ASH2L: variants seen among roughly 807,000 people sequenced by gnomAD.
ASH2L encodes the protein ASH2 like, histone lysine methyltransferase complex subunit, also known as set1/Ash2 histone methyltransferase complex subunit ASH2.
In ASH2L, 30 loss-of-function variants were observed where a neutral mutation model predicts 81.1. That is an observed-to-expected ratio of 0.37 (90% CI 0.28 to 0.50). The LOEUF (loss-of-function observed/expected upper bound fraction) is 0.50, where lower values mean the gene tolerates loss of function less well. Ranked by LOEUF, ASH2L falls within the 20% of genes least tolerant of loss-of-function variation. The pLI, the probability that ASH2L is intolerant of heterozygous loss-of-function variation, is 0.95. For missense variants in ASH2L, 559 were observed against 792.1 expected, an observed-to-expected ratio of 0.71 and a Z score of 3.53; for synonymous variants, 273 against 279.9, an observed-to-expected ratio of 0.98 and a Z score of 0.24.
chr8:38,114,639 G>A (rs1384253395), intron 6 of ASH2L: 2 of 420,356 alleles, frequency 4.8e-6, no homozygotes, highest in South Asian at 4.5e-5. Flanking sequence ...GAGCACCTGG[G>A]GAGAAGTCAA....
chr8:38,107,848 G>C (rs1255727655), intron 3 of ASH2L, among the ~76,000 whole-genome samples: 1 of 151,264 alleles, frequency 6.6e-6, no homozygotes, highest in Non-Finnish European at 1.5e-5. Context: ...CCTTGGGTGA[G>C]ATTGTGAAGA....
chr8:38,105,863 GCCTCTGCGCCGCTTGGCCCGTCC>G (rs1810401256), intron 1 of ASH2L, 125 bp downstream of exon 1: 1 of 1,435,140 alleles, frequency 7.0e-7, no homozygotes, highest in Non-Finnish European at 9.1e-7. Context: ...GGCTCGCCCT[GCCTCTGCGCCGCTTGGCCCGTCC>G]CCTCTCAAGC....
rs367766297 is a variant in ASH2L, at chr8:38,115,802, A to G, written c.777+802A>G. Among the ~76,000 whole-genome samples, 8 of 152,204 alleles carry G rather than the reference A, an allele frequency of 5.3e-5. No homozygotes were observed. In the East Asian group the frequency reaches 1.3e-3, roughly 26 times the overall value. ...CTGCCTCTACCCAAGTTGATTGATTAATTGCCATTTATCGCCATTCTGAAA... is the reference window on the plus strand; with the variant it reads ...CTGCCTCTACCCAAGTTGATTGATTGATTGCCATTTATCGCCATTCTGAAA... On this transcript the variant is annotated intron_variant, in intron 7 of 15. Transcript: ENST00000343823.
At chr8:38,118,525 C>T (rs1156991828) in intron 8 of ASH2L, among the ~76,000 whole-genome samples, 1 of 152,108 alleles carries the variant, frequency 6.6e-6, no homozygotes, top group Non-Finnish European at 1.5e-5. Context: ...GCTTTTAGTT[C>T]CACAAGCCAG....
At chr8:38,115,333 TA>T (rs1810851198) in intron 7 of ASH2L, among the ~76,000 whole-genome samples, 1 of 152,254 alleles carries the variant, frequency 6.6e-6, no homozygotes, top group Admixed American at 6.5e-5. Flanking sequence ...ATTTTGCTCT[TA>T]AAAACTTTCT....
At chr8:38,132,797 A>G (rs1030938833) in intron 12 of ASH2L, among the ~76,000 whole-genome samples, 5 of 120,872 alleles carry the variant, frequency 4.1e-5, no homozygotes, top group Non-Finnish European at 3.6e-5. Context: ...AGACTGTCTC[A>G]AAAAAAAAAA....
At chr8:38,133,639 G>A (rs906381249) in intron 13 of ASH2L, 93 bp downstream of exon 13, 3 of 945,514 alleles carry the variant, frequency 3.2e-6, no homozygotes, top group African/African-American at 3.3e-5. Flanking sequence ...GAGGCCCAAA[G>A]GGGAATGAAG....
intron 6 of ASH2L, 88 bp downstream of exon 6, chr8:38,114,375 A>G (rs1161340497): frequency 3.6e-6 from 3 of 837,316 alleles, no homozygotes; most frequent in Non-Finnish European, 5.6e-6. Flanking sequence ...TTGTGAAATG[A>G]TAAAATTAGA....
At chr8:38,115,150 T>A in intron 7 of ASH2L, 150 bp downstream of exon 7, 1 of 614,084 alleles carries the variant, frequency 1.6e-6, no homozygotes, top group Non-Finnish European at 3.0e-6. Context: ...GTGACTGATA[T>A]GAGAGTACTC....
At chr8:38,135,326 G>A (rs1193502135) in intron 13 of ASH2L, among the ~76,000 whole-genome samples, 1 of 152,060 alleles carries the variant, frequency 6.6e-6, no homozygotes, top group Non-Finnish European at 1.5e-5. Flanking sequence ...GTGTATGCCT[G>A]TAGTCCCAGC....
At position 38,119,253 on chromosome 8, in the gene ASH2L, C is replaced by G; in HGVS notation, c.854-17C>G. On this transcript the variant is annotated splice_polypyrimidine_tract_variant and intron_variant, in intron 8 of 15. Coordinates refer to ENST00000343823, the MANE Select transcript of ASH2L (RefSeq NM_004674.5). ...TCCCTTGTGGCTCATTGAAAGCAAT[C>G]TGCCTTCTCTTCAAAGGGGGAATTG... The G allele has an allele frequency of 1.9e-6, 3 of 1,548,686 alleles. No individual in the cohort carries two copies. The South Asian group carries it at 3.6e-5, about 18-fold the overall frequency.
intron 12 of ASH2L, among the ~76,000 whole-genome samples, chr8:38,132,681 C>A (rs1193891243): frequency 6.6e-6 from 1 of 151,836 alleles, no homozygotes; most frequent in African/African-American, 2.4e-5. Flanking sequence ...TGCCTGTAAT[C>A]CCAGCTGCCT....
intron 13 of ASH2L, among the ~76,000 whole-genome samples, chr8:38,134,627 G>A (rs1203984298): frequency 6.6e-6 from 1 of 152,126 alleles, no homozygotes. Flanking sequence ...AAGGGAAGTG[G>A]GATGTAGAGG....
chr8:38,110,646 A>G (rs1385159669), intron 4 of ASH2L, 93 bp from the exon 5 acceptor site: 5 of 1,225,522 alleles, frequency 4.1e-6, no homozygotes, highest in Middle Eastern at 1.9e-4. Flanking sequence ...TTGCTGCTAT[A>G]ATTGTTATTT....
At chr8:38,126,471 T>C (rs1801847530) in intron 10 of ASH2L, among the ~76,000 whole-genome samples, 2 of 152,096 alleles carry the variant, frequency 1.3e-5, no homozygotes, top group Non-Finnish European at 2.9e-5. Context: ...AATTTTCTGG[T>C]TTTGATGATT....
In ASH2L at chr8:38,105,601, C is replaced by G; in HGVS notation, c.51C>G (p.Gly17=). ...GCCAGGAAGCGGGTGCCGGGCCTGG[C>G]CCAGGAGCGGTCGCAAATGCAACAG... The part of the protein sequence containing the change: ...GPGQEAGAGP[G]PGAVANATGA... Residue 17 remains glycine (G), a synonymous_variant, in exon 1 of 16, where the codon GGC becomes GGG. Transcript: ENST00000343823. 1.3e-6 allele frequency: 2 copies of G among 1,598,952 alleles called. No homozygotes were observed. Among genetic ancestry groups the G allele is most frequent in the South Asian group, 1.1e-5 (1 of 89,470 alleles).
intron 10 of ASH2L, among the ~76,000 whole-genome samples, chr8:38,121,543 C>G (rs980389199): frequency 2.0e-5 from 3 of 151,810 alleles, no homozygotes; most frequent in Non-Finnish European, 2.9e-5. Flanking sequence ...ATCAACACAA[C>G]TAGAGAAAGA....
Position 38,128,380 on chromosome 8 carries a change from G to A in ASH2L, c.1255G>A (p.Gly419Ser). Residue 419 changes from glycine to serine, a missense_variant, in exon 11 of 16, where the codon GGT becomes AGT. Transcript: ENST00000343823. ...MVRASHGVRK[G>S]AWYFEITVDE... is the part of the protein sequence containing the mutation. ...GAGGGCCTCTCATGGAGTACGGAAA[G>A]GTGCCTGGTATTTTGAAATCACTGT... 6.2e-7 allele frequency: 1 copy of A among 1,614,122 alleles called. No individual in the cohort carries two copies. Among genetic ancestry groups the A allele is most frequent in the Non-Finnish European group, 8.5e-7 (1 of 1,180,012 alleles).
chr8:38,128,143 G>A lies in ASH2L; in HGVS notation c.1166-148G>A, dbSNP rs919013120. On this transcript the variant is annotated intron_variant, in intron 10 of 15. Transcript: ENST00000343823. ...ATTCCTTGCCAGTATCTTATGCTGA[G>A]ATTTTTAAACTCCTCAACTAATATT... 21 of 934,228 alleles carry A rather than the reference G, an allele frequency of 2.2e-5. No individual in the cohort carries two copies. The African/African-American group carries it at 3.6e-4, about 16-fold the overall frequency. 57.9% of individuals were successfully genotyped at this position (934,228 alleles called of 1,614,324 possible).
Sources: allele counts gnomAD v4.1 joint callset (sites outside exome capture counted in the v4.1 genomes callset), GRCh38; gene constraint gnomAD v4.1.1; transcripts MANE v1.5; gene names NCBI Gene and HGNC (gene_info 2026-07-23, HGNC 2026-07-21).